Variants in HSD17B12 observed in about 807,000 individuals in gnomAD.
The protein encoded by HSD17B12 is very-long-chain 3-oxoacyl-CoA reductase.
Under a neutral mutation model 39.3 loss-of-function variants are expected in HSD17B12, and 32 were observed. The ratio of observed to expected loss-of-function variants is 0.81; its 90% confidence interval spans 0.61 to 1.09. HSD17B12 has a LOEUF of 1.09. Among genes scored for constraint, HSD17B12 ranks in the 50% least tolerant of loss-of-function variants. The pLI, the probability that HSD17B12 is intolerant of heterozygous loss-of-function variation, is 0.00. For synonymous variants in HSD17B12, 150 were observed against 146.7 expected, an observed-to-expected ratio of 1.02 and a Z score of -0.16; for missense variants, 342 against 382.9, an observed-to-expected ratio of 0.89 and a Z score of 0.89.
chr11:43,726,291 A>C (rs1045863408), intron 1 of HSD17B12, among the ~76,000 whole-genome samples: 1 of 152,120 alleles, frequency 6.6e-6, no homozygotes, highest in Non-Finnish European at 1.5e-5. Flanking sequence ...ATAAGAAAAG[A>C]GATAACTGGA....
At chr11:43,848,993 C>A (rs767598443) in intron 9 of HSD17B12, among the ~76,000 whole-genome samples, 24 of 152,264 alleles carry the variant, frequency 1.6e-4, no homozygotes, top group South Asian at 2.1e-4. Flanking sequence ...CTCATAGCAG[C>A]CAGAATGATC....
intron 1 of HSD17B12, among the ~76,000 whole-genome samples, chr11:43,715,718 A>G (rs1444292759): frequency 6.6e-6 from 1 of 152,050 alleles, no homozygotes; most frequent in East Asian, 1.9e-4. Flanking sequence ...TTCTCCTTGT[A>G]CCTCTCGTAG....
In HSD17B12 at chr11:43,684,829, A is replaced by C. The variant is rs192171522; in HGVS notation, c.160+3842A>C. On this transcript the variant is annotated intron_variant, in intron 1 of 10. Coordinates refer to ENST00000278353, the MANE Select transcript of HSD17B12 (RefSeq NM_016142.3). ...AACATTTTCATCTTCCTTAAAAGAA[A>C]TGCTGTACCCATTAGGCCCTTCACT... 4.0e-4 allele frequency among the ~76,000 whole-genome samples: 61 copies of C among 152,318 alleles called. 1 individual carries two copies. In the East Asian group the frequency reaches 7.7e-3, roughly 19 times the overall value.
the HSD17B12 span, among the ~76,000 whole-genome samples, chr11:43,666,742 A>G: frequency 1.3e-5 from 2 of 152,250 alleles, no homozygotes; most frequent in Non-Finnish European, 2.9e-5. Flanking sequence ...GATACCCTGT[A>G]TAGATAATGT....
At position 43,832,668 on chromosome 11, in the gene HSD17B12, T is replaced by G. The variant is rs562556864; in HGVS notation, c.536+1658T>G. ...ATAAAGGCAATGCAAAAAAGGAGAG[T>G]CCATCCATTCAATAGGCATTCATTT... On this transcript the variant is annotated intron_variant, in intron 7 of 10. Transcript: ENST00000278353. 4.0e-5 allele frequency among the ~76,000 whole-genome samples: 6 copies of G among 151,714 alleles called. No homozygotes were observed. In the South Asian group the frequency reaches 6.3e-4, roughly 16 times the overall value.
chr11:43,789,905 C>G (rs901424206), intron 3 of HSD17B12, among the ~76,000 whole-genome samples: 2 of 152,114 alleles, frequency 1.3e-5, no homozygotes, highest in Non-Finnish European at 2.9e-5. Context: ...GCACTCTAGC[C>G]TGGGTGCCAG....
At chr11:43,815,576 A>G in intron 5 of HSD17B12, 75 bp downstream of exon 5, 1 of 871,136 alleles carries the variant, frequency 1.1e-6, no homozygotes, top group Non-Finnish European at 1.8e-6. Context: ...ACACTATGAC[A>G]CTGGAGTCCA....
chr11:43,781,377 A>G (rs1444318325), intron 3 of HSD17B12, among the ~76,000 whole-genome samples: 3 of 152,228 alleles, frequency 2.0e-5, no homozygotes, highest in African/African-American at 4.8e-5. Flanking sequence ...AAAAAAAGCA[A>G]GTTGCAGAAT....
chr11:43,735,646 C>G (rs1408453674), intron 1 of HSD17B12, among the ~76,000 whole-genome samples: 1 of 151,926 alleles, frequency 6.6e-6, no homozygotes, highest in Non-Finnish European at 1.5e-5. Flanking sequence ...AGATAATAAA[C>G]CTTTATTATA....
chr11:43,625,508 A>G, the HSD17B12 span, among the ~76,000 whole-genome samples: 1 of 151,450 alleles, frequency 6.6e-6, no homozygotes, highest in Non-Finnish European at 1.5e-5. Context: ...GATTTATTTT[A>G]AAAGGCAGAT....
chr11:43,670,971 G>GA, the HSD17B12 span, among the ~76,000 whole-genome samples: 3 of 150,778 alleles, frequency 2.0e-5, no homozygotes, highest in Non-Finnish European at 4.4e-5. Context: ...AGAATTTTTA[G>GA]AAAAAAAAAG....
At chr11:43,564,907 T>A in the HSD17B12 span, among the ~76,000 whole-genome samples, 9 of 65,966 alleles carry the variant, frequency 1.4e-4, no homozygotes, top group African/African-American at 3.2e-4. Flanking sequence ...TCTTTTTTTT[T>A]TTTTTTTTTT....
At chr11:43,779,346 C>T (rs1950742227) in intron 3 of HSD17B12, among the ~76,000 whole-genome samples, 1 of 152,134 alleles carries the variant, frequency 6.6e-6, no homozygotes, top group Non-Finnish European at 1.5e-5. Flanking sequence ...TTAAGGATTA[C>T]TAAGATTCTG....
intron 2 of HSD17B12, among the ~76,000 whole-genome samples, chr11:43,751,523 C>T (rs2134941671): frequency 6.6e-6 from 1 of 152,278 alleles, no homozygotes. Flanking sequence ...TGTGAAGGCA[C>T]CTACAGCCTA....
chr11:43,713,997 G>C (rs1210763356), intron 1 of HSD17B12, among the ~76,000 whole-genome samples: 1 of 152,072 alleles, frequency 6.6e-6, no homozygotes, highest in Non-Finnish European at 1.5e-5. Flanking sequence ...ATATTTGTTA[G>C]AGTTCTTTGT....
chr11:43,760,905 G>A (rs954436653), intron 3 of HSD17B12, among the ~76,000 whole-genome samples: 8 of 152,230 alleles, frequency 5.3e-5, no homozygotes, highest in South Asian at 2.1e-4. Flanking sequence ...TTTGTTGCTC[G>A]TAGAGTTTAT....
At chr11:43,750,979 T>C in intron 2 of HSD17B12, 22 bp downstream of exon 2, 2 of 1,514,676 alleles carry the variant, frequency 1.3e-6, no homozygotes, top group East Asian at 2.3e-5. Context: ...TCAAGATCTT[T>C]CCTTTTAATA....
Position 43,821,982 on chromosome 11 carries a change from G to T in HSD17B12, c.501+5591G>T, listed in dbSNP as rs186851268. ...GAACTGCCTGTGGTGCCTATGGAAA[G>T]GTGGGAAAACCATTCCTTCAGGTGA... On this transcript the variant is annotated intron_variant, in intron 6 of 10. Coordinates refer to ENST00000278353, the MANE Select transcript of HSD17B12 (RefSeq NM_016142.3). 2.6e-5 allele frequency among the ~76,000 whole-genome samples: 4 copies of T among 152,294 alleles called. No homozygotes were observed. The East Asian group carries it at 7.7e-4, about 29-fold the overall frequency.
chr11:43,623,925 T>TA, the HSD17B12 span, among the ~76,000 whole-genome samples: 16 of 151,994 alleles, frequency 1.1e-4, no homozygotes, highest in Admixed American at 9.8e-4. Context: ...ATGCAGTTTT[T>TA]AAAAAAACAG....
Sources: allele counts gnomAD v4.1 joint callset (sites outside exome capture counted in the v4.1 genomes callset), GRCh38; gene constraint gnomAD v4.1.1; transcripts MANE v1.5; gene names NCBI Gene and HGNC (gene_info 2026-07-23, HGNC 2026-07-21).